LYST: variants seen among roughly 807,000 people sequenced by gnomAD.
LYST encodes the protein lysosomal trafficking regulator.
In LYST, 192 loss-of-function variants were observed where a neutral mutation model predicts 413.6. The observed-to-expected ratio is 0.46, with a 90% CI of 0.41 to 0.52. The LOEUF is 0.52. Among genes scored for constraint, LYST ranks in the 20% least tolerant of loss-of-function variants. LYST has a pLI of 0.00. For synonymous variants in LYST, 1,525 were observed against 1,567.3 expected (o/e 0.97, Z 0.64); for missense variants, 3,815 against 4,499.9 (o/e 0.85, Z 4.35).
chr1:235,845,632 C>T (rs1677744316), intron 1 of LYST, among the ~76,000 whole-genome samples: 1 of 117,808 alleles, frequency 8.5e-6, no homozygotes, highest in East Asian at 2.0e-4. Context: ...GAAACAGACT[C>T]CCGGCAGTTA....
intron 10 of LYST, among the ~76,000 whole-genome samples, chr1:235,793,923 C>CCCAGGTTCAAGCAATTCTCCTG (rs1671294346): frequency 6.6e-6 from 1 of 152,072 alleles, no homozygotes; most frequent in Non-Finnish European, 1.5e-5. Context: ...ACCTCCACCT[C>CCCAGGTTCAAGCAATTCTCCTG]CCAGGTTCAA....
At chr1:235,675,259 T>C (rs539321564) in intron 50 of LYST, among the ~76,000 whole-genome samples, 11 of 152,194 alleles carry the variant, frequency 7.2e-5, no homozygotes, top group Non-Finnish European at 1.5e-4. Context: ...TTCTATAAAC[T>C]ACCCTTCCTG....
At position 235,733,494 on chromosome 1, in the gene LYST, G is replaced by A. The variant is rs749357238; in HGVS notation, c.8801+9C>T. The stretch of plus-strand genomic sequence containing the variant: ...GGAAGACAATTTTAACTGACCTCCC[G>A]CAGCTTACCTATCATGTGTCAGCTG... On this transcript the variant is annotated intron_variant, in intron 34 of 52. Transcript: ENST00000389793. 4.3e-6 allele frequency: 7 copies of A among 1,612,566 alleles called. No individual in the cohort carries two copies. Among genetic ancestry groups the A allele is most frequent in the Non-Finnish European group, 3.4e-6 (4 of 1,178,906 alleles).
chr1:235,759,413 T>C lies in LYST; in HGVS notation c.6440A>G (p.Gln2147Arg), dbSNP rs770747189. ...DTYVATQSKKQNSLGSSDTLK... is the reference protein window; with the variant it reads ...DTYVATQSKKRNSLGSSDTLK... ...TGTGTCGGAACTCCCCAAAGAATTT[T>C]GTTTCTTTGATTGGGTGGCAACATA... is the stretch of plus-strand genomic sequence containing the variant. The change falls in exon 23 of 53, where the codon CAA (glutamine) becomes CGA (arginine). Residue 2147 changes from glutamine to arginine, a missense_variant. This residue lies in a region of LYST where 530 missense variants were observed against 696.5 expected (regional missense o/e 0.76). Transcript: ENST00000389793. 1.2e-6 allele frequency: 2 copies of C among 1,614,152 alleles called. No individual in the cohort carries two copies. The highest frequency in any genetic ancestry group is 2.2e-5 in the East Asian group (1 of 44,884).
chr1:235,797,065 C>T (rs1166800814), intron 10 of LYST, among the ~76,000 whole-genome samples: 1 of 152,202 alleles, frequency 6.6e-6, no homozygotes, highest in Non-Finnish European at 1.5e-5. Flanking sequence ...GGACAACAGT[C>T]TGTCAATTTC....
At position 235,856,940 on chromosome 1, in the gene LYST, ATTTTTT is replaced by A. The variant is rs59484092; in HGVS notation, c.-98+9897_-98+9902del. 1.5e-4 allele frequency among the ~76,000 whole-genome samples: 18 copies of A among 121,762 alleles called. 1 individual carries two copies. The highest frequency in any genetic ancestry group is 3.4e-4 in the Admixed American group (4 of 11,926). The allele number at this position is 121,762 out of a possible 152,430, so 79.9% of individuals were successfully genotyped here. On this transcript the variant is annotated intron_variant, in intron 1 of 52. Transcript: ENST00000389793. ...CTTACAAGTTACACAGGATATACTG[ATTTTTT>A]TTTTTTTTTTTTTTTTGAGATGAAA...
chr1:235,728,984 A>G (rs950816148), intron 37 of LYST, among the ~76,000 whole-genome samples: 2 of 152,186 alleles, frequency 1.3e-5, no homozygotes, highest in Non-Finnish European at 2.9e-5. Context: ...AGAATGTGCA[A>G]TTCTAAGAAG....
At chr1:235,716,181 C>T (rs1054960269) in intron 41 of LYST, among the ~76,000 whole-genome samples, 24 of 152,122 alleles carry the variant, frequency 1.6e-4, no homozygotes, top group African/African-American at 4.8e-4. Flanking sequence ...TCTTGATACT[C>T]GTGAAGAATG....
intron 39 of LYST, among the ~76,000 whole-genome samples, chr1:235,722,256 G>A (rs1466467070): frequency 7.9e-5 from 12 of 152,154 alleles, no homozygotes; most frequent in Admixed American, 7.9e-4. Context: ...GTTATTGGAA[G>A]GACTTTGCCT....
intron 1 of LYST, among the ~76,000 whole-genome samples, chr1:235,859,502 C>CT (rs34646468): frequency 0.43 from 62,401 of 144,474 alleles, 13,711 homozygotes; most frequent in African/African-American, 0.54. Context: ...AGCACCAGGC[C>CT]TTTTTTTTTT....
chr1:235,783,744 G>C (rs1327922256), intron 14 of LYST, among the ~76,000 whole-genome samples: 1 of 152,068 alleles, frequency 6.6e-6, no homozygotes, highest in Non-Finnish European at 1.5e-5. Context: ...CAAATATTAA[G>C]TATCTACTAT....
chr1:235,670,100 A>G (rs576540716), intron 50 of LYST, among the ~76,000 whole-genome samples: 1 of 152,212 alleles, frequency 6.6e-6, no homozygotes, highest in African/African-American at 2.4e-5. Flanking sequence ...GCAAACCTCT[A>G]TATGCCCAGA....
At chr1:235,758,912 G>T in intron 23 of LYST, 60 bp downstream of exon 23, 1 of 1,519,228 alleles carries the variant, frequency 6.6e-7, no homozygotes, top group Non-Finnish European at 9.1e-7. Context: ...CAGAGGGGTA[G>T]AGAGTCTTTA....
At chr1:235,708,415 G>A (rs1204632135) in intron 44 of LYST, among the ~76,000 whole-genome samples, 1 of 152,160 alleles carries the variant, frequency 6.6e-6, no homozygotes, top group Non-Finnish European at 1.5e-5. Flanking sequence ...TGCTATCTCT[G>A]GAAAGGCCTG....
chr1:235,692,916 G>A (rs952360977), intron 47 of LYST, among the ~76,000 whole-genome samples: 20 of 152,094 alleles, frequency 1.3e-4, no homozygotes, highest in Non-Finnish European at 7.4e-5. Context: ...AGCTACTTGG[G>A]AAGCTGAGGG....
chr1:235,740,726 G>A (rs996254732), intron 31 of LYST, among the ~76,000 whole-genome samples: 1 of 152,136 alleles, frequency 6.6e-6, no homozygotes, highest in Non-Finnish European at 1.5e-5. Context: ...TTGAATATTT[G>A]TAGTTTTTGG....
In LYST at chr1:235,771,913, G is replaced by GTTTTTTTTTTT. The variant is rs1187587312; in HGVS notation, c.5785-1617_5785-1616insAAAAAAAAAAA. 2.1e-4 allele frequency among the ~76,000 whole-genome samples: 20 copies of GTTTTTTTTTTT among 95,176 alleles called. 3 individuals are homozygous for GTTTTTTTTTTT. Among genetic ancestry groups the GTTTTTTTTTTT allele is most frequent in the South Asian group, 7.5e-4 (2 of 2,656 alleles). 62.4% of individuals were successfully genotyped at this position (95,176 alleles called of 152,430 possible). On this transcript the variant is annotated intron_variant, in intron 19 of 52. Transcript: ENST00000389793. ...CTAATAGATTAGAAAAGGTTTTTTA[G>GTTTTTTTTTTT]TTTGTTTTTTTTTTTTTTTTTTTTT... is the stretch of plus-strand genomic sequence containing the variant.
intron 3 of LYST, chr1:235,828,131 G>A (rs1377460004): frequency 1.0e-6 from 1 of 961,148 alleles, no homozygotes; most frequent in Non-Finnish European, 1.2e-6. Flanking sequence ...ATTCCCAAAA[G>A]AAAAATTATT....
intron 4 of LYST, among the ~76,000 whole-genome samples, chr1:235,811,537 C>A (rs1482878545): frequency 6.6e-6 from 1 of 152,066 alleles, no homozygotes; most frequent in Admixed American, 6.6e-5. Context: ...CTAGATAGGG[C>A]CTGGCGTATG....
Sources: gnomAD v4.1 joint callset for allele counts (sites outside exome capture counted in the v4.1 genomes callset) on GRCh38, gnomAD v4.1.1 for gene constraint, gnomAD v4.1.1 regional missense constraint, MANE v1.5 for transcripts, NCBI Gene and HGNC (gene_info 2026-07-23, HGNC 2026-07-21) for gene names.